ROR1: variants seen among roughly 807,000 people sequenced by gnomAD.
ROR1 encodes the protein inactive tyrosine-protein kinase transmembrane receptor ROR1.
In ROR1, 19 loss-of-function variants were observed where a neutral mutation model predicts 78.8. The ratio of observed to expected loss-of-function variants is 0.24; its 90% CI spans 0.17 to 0.35. ROR1 has a LOEUF of 0.35. ROR1 is among the 10% of genes least tolerant of loss of function. ROR1 has a pLI of 1.00. For missense variants in ROR1, 917 were observed against 1,177.8 expected, an observed-to-expected ratio of 0.78 and a Z score of 3.24; for synonymous variants, 386 against 433.6, an observed-to-expected ratio of 0.89 and a Z score of 1.36.
At chr1:64,167,157 T>A (rs766671251) in intron 8 of ROR1, among the ~76,000 whole-genome samples, 4 of 152,184 alleles carry the variant, frequency 2.6e-5, no homozygotes. Context: ...CTCTACTGCC[T>A]TTATTTTCAG....
intron 1 of ROR1, among the ~76,000 whole-genome samples, chr1:63,998,899 G>C (rs533942656): frequency 4.6e-5 from 7 of 152,208 alleles, no homozygotes; most frequent in Admixed American, 3.3e-4. Flanking sequence ...TACTGTTCTT[G>C]TGGTAGTGAC....
At chr1:63,938,871 G>A (rs1645814436) in intron 1 of ROR1, among the ~76,000 whole-genome samples, 1 of 152,092 alleles carries the variant, frequency 6.6e-6, no homozygotes, top group African/African-American at 2.4e-5. Context: ...GGTGGCACAT[G>A]CCTGTAGTCC....
intron 1 of ROR1, among the ~76,000 whole-genome samples, chr1:63,809,207 C>T (rs1644846461): frequency 6.6e-6 from 1 of 152,162 alleles, no homozygotes; most frequent in Non-Finnish European, 1.5e-5. Flanking sequence ...TTAAGTACTT[C>T]TGTGCACCAG....
chr1:63,903,498 CAT>C (rs560501022), intron 1 of ROR1, among the ~76,000 whole-genome samples: 3 of 149,896 alleles, frequency 2.0e-5, no homozygotes, highest in Non-Finnish European at 4.5e-5. Context: ...GTGAAACATT[CAT>C]ATGTTTTGGA....
At chr1:63,930,940 A>G (rs1403974462) in intron 1 of ROR1, among the ~76,000 whole-genome samples, 2 of 152,212 alleles carry the variant, frequency 1.3e-5, no homozygotes, top group Admixed American at 1.3e-4. Context: ...TAACTTAGAA[A>G]CACACATGTT....
intron 1 of ROR1, among the ~76,000 whole-genome samples, chr1:63,906,703 G>A (rs1300973641): frequency 6.6e-6 from 1 of 152,096 alleles, no homozygotes; most frequent in Admixed American, 6.6e-5. Context: ...CCCTCTCTTG[G>A]GGTAATTTGA....
intron 4 of ROR1, among the ~76,000 whole-genome samples, chr1:64,119,991 A>G (rs546360157): frequency 2.2e-4 from 33 of 152,292 alleles, no homozygotes; most frequent in Non-Finnish European, 4.4e-4. Flanking sequence ...TGAACTTTCA[A>G]TGGTGGAAAT....
At chr1:64,152,329 C>T (rs534602242) in intron 7 of ROR1, among the ~76,000 whole-genome samples, 40 of 152,318 alleles carry the variant, frequency 2.6e-4, no homozygotes, top group African/African-American at 9.4e-4. Context: ...GTTTCCTAGT[C>T]CTTTAGAGCC....
intron 2 of ROR1, among the ~76,000 whole-genome samples, chr1:64,035,550 C>T (rs1646695381): frequency 1.2e-5 from 1 of 82,476 alleles, no homozygotes. Flanking sequence ...ACACCTGGCC[C>T]AGGTTACGCC....
At position 63,786,519 on chromosome 1, in the gene ROR1, G is replaced by A. The variant is rs1489690117; in HGVS notation, c.91+12011G>A. On this transcript the variant is annotated intron_variant, in intron 1 of 8. Coordinates refer to ENST00000371079, the MANE Select transcript of ROR1 (RefSeq NM_005012.4). Reference sequence around the variant, plus strand: ...GATCTCCTGACCCCGTGATCCTCCCGCCTCGGCCTCCCAGAGTGCTGGGAT... The same window carrying A: ...GATCTCCTGACCCCGTGATCCTCCCACCTCGGCCTCCCAGAGTGCTGGGAT... 6.7e-5 allele frequency among the ~76,000 whole-genome samples: 10 copies of A among 148,384 alleles called. No individual in the cohort carries two copies. In the East Asian group the frequency reaches 8.0e-4, roughly 12 times the overall value.
At chr1:64,018,615 C>T (rs1185716205) in intron 2 of ROR1, among the ~76,000 whole-genome samples, 2 of 152,152 alleles carry the variant, frequency 1.3e-5, no homozygotes, top group Admixed American at 6.5e-5. Context: ...GCAAGGCCCT[C>T]ATGTGTCTCC....
chr1:64,166,846 C>G (rs570630318), intron 8 of ROR1, among the ~76,000 whole-genome samples: 1 of 152,292 alleles, frequency 6.6e-6, no homozygotes, highest in East Asian at 1.9e-4. Flanking sequence ...GGCTGGGAGG[C>G]TGCCCGGTAC....
chr1:63,949,552 G>A (rs956750708), intron 1 of ROR1, among the ~76,000 whole-genome samples: 1 of 152,190 alleles, frequency 6.6e-6, no homozygotes, highest in African/African-American at 2.4e-5. Context: ...GCTTTCCCAA[G>A]CTTACCTGGA....
At chr1:63,793,299 G>T (rs1449462061) in intron 1 of ROR1, among the ~76,000 whole-genome samples, 1 of 152,136 alleles carries the variant, frequency 6.6e-6, no homozygotes, top group African/African-American at 2.4e-5. Flanking sequence ...GATGGCGATG[G>T]TAAGCTCATT....
chr1:63,960,035 G>A (rs1265599351), intron 1 of ROR1, among the ~76,000 whole-genome samples: 1 of 152,170 alleles, frequency 6.6e-6, no homozygotes, highest in Non-Finnish European at 1.5e-5. Flanking sequence ...TCCCCCAAAT[G>A]CACTGCTGTG....
chr1:63,833,921 G>A (rs2100302673), intron 1 of ROR1, among the ~76,000 whole-genome samples: 1 of 150,834 alleles, frequency 6.6e-6, no homozygotes, highest in African/African-American at 2.4e-5. Flanking sequence ...CTTCTGGCAT[G>A]CTTAGGAATA....
intron 1 of ROR1, among the ~76,000 whole-genome samples, chr1:63,948,268 T>C (rs934645111): frequency 6.6e-5 from 10 of 152,090 alleles, no homozygotes; most frequent in Admixed American, 5.9e-4. Flanking sequence ...ACTATAATAG[T>C]ACAGAACTTC....
At chr1:63,922,579 A>G (rs2100431493) in intron 1 of ROR1, among the ~76,000 whole-genome samples, 1 of 152,294 alleles carries the variant, frequency 6.6e-6, no homozygotes, top group East Asian at 1.9e-4. Context: ...TGAATTCTTA[A>G]TTTGCAGAAT....
intron 1 of ROR1, among the ~76,000 whole-genome samples, chr1:64,001,938 G>A (rs188513834): frequency 2.0e-5 from 3 of 151,972 alleles, no homozygotes; most frequent in Admixed American, 2.0e-4. Flanking sequence ...ATATTTCCTT[G>A]TGACATTTTA....
Sources: gnomAD v4.1 joint callset for allele counts (sites outside exome capture counted in the v4.1 genomes callset) on GRCh38, gnomAD v4.1.1 for gene constraint, MANE v1.5 for transcripts, NCBI Gene and HGNC (gene_info 2026-07-23, HGNC 2026-07-21) for gene names.